Variants in RBKS observed in about 807,000 individuals in gnomAD.
RBKS encodes the protein ribokinase.
RBKS carries 33 observed loss-of-function variants against 33.9 expected under a neutral mutation model. The ratio of observed to expected loss-of-function variants is 0.97; its 90% CI spans 0.74 to 1.30. RBKS has a LOEUF of 1.30. Among genes scored for constraint, RBKS ranks in the 50% most tolerant of loss-of-function variants. The pLI, the probability that RBKS is intolerant of heterozygous loss-of-function variation, is 0.00. For missense variants in RBKS, 361 were observed against 392.6 expected (o/e 0.92, Z 0.68); for synonymous variants, 125 against 143.0 (o/e 0.87, Z 0.90).
intron 7 of RBKS, among the ~76,000 whole-genome samples, chr2:27,783,915 AAAAAG>A (rs1677337318): frequency 6.7e-6 from 1 of 148,418 alleles, no homozygotes; most frequent in African/African-American, 2.5e-5. Context: ...TCAGAAAAAA[AAAAAG>A]AAAAAAAAAA....
intron 7 of RBKS, among the ~76,000 whole-genome samples, chr2:27,800,468 T>C (rs1331523374): frequency 2.0e-5 from 3 of 152,168 alleles, no homozygotes; most frequent in Non-Finnish European, 4.4e-5. Flanking sequence ...ACTTACCTCA[T>C]AGGGCCATTG....
At chr2:27,819,901 A>G (rs751857692) in intron 7 of RBKS, among the ~76,000 whole-genome samples, 15 of 152,248 alleles carry the variant, frequency 9.9e-5, no homozygotes, top group African/African-American at 3.6e-4. Flanking sequence ...GTCAAAGTAT[A>G]TAACAAACTA....
intron 7 of RBKS, among the ~76,000 whole-genome samples, chr2:27,783,272 G>A (rs754951994): frequency 2.0e-5 from 3 of 151,960 alleles, no homozygotes; most frequent in African/African-American, 4.8e-5. Flanking sequence ...GCAAAACCTC[G>A]CCTCTACAAA....
intron 2 of RBKS, among the ~76,000 whole-genome samples, chr2:27,853,149 C>T (rs575325736): frequency 6.6e-6 from 1 of 151,618 alleles, no homozygotes; most frequent in African/African-American, 2.4e-5. Flanking sequence ...TAAGACTGCT[C>T]GAGGACAGGA....
chr2:27,855,127 C>A (rs1417347178), intron 2 of RBKS, among the ~76,000 whole-genome samples: 1 of 145,218 alleles, frequency 6.9e-6, no homozygotes, highest in Non-Finnish European at 1.5e-5. Flanking sequence ...AAGCCAAGAA[C>A]CCTCCTTGGC....
At chr2:27,796,224 G>T (rs1346499661) in intron 7 of RBKS, among the ~76,000 whole-genome samples, 6 of 136,726 alleles carry the variant, frequency 4.4e-5, no homozygotes, top group African/African-American at 1.7e-4. Flanking sequence ...ACACTGGTAT[G>T]ATTTTTTTTT....
chr2:27,806,327 G>A (rs149233971), intron 7 of RBKS, among the ~76,000 whole-genome samples: 1,638 of 152,306 alleles, frequency 0.011, 26 homozygotes, highest in African/African-American at 0.038. Flanking sequence ...AGACAAAAAG[G>A]TATATCTGGC....
At chr2:27,807,537 C>T (rs1197379334) in intron 7 of RBKS, among the ~76,000 whole-genome samples, 7 of 152,098 alleles carry the variant, frequency 4.6e-5, no homozygotes, top group South Asian at 4.1e-4. Flanking sequence ...TTTGCCACCA[C>T]GCCTGGCTAT....
intron 5 of RBKS, among the ~76,000 whole-genome samples, 178 bp downstream of exon 5, chr2:27,842,889 T>C (rs945172517): frequency 1.3e-5 from 2 of 152,110 alleles, no homozygotes; most frequent in Admixed American, 6.6e-5. Context: ...TTTTTTTTTT[T>C]ACCCTGTTTG....
chr2:27,845,971 T>C (rs1043484733), intron 4 of RBKS, among the ~76,000 whole-genome samples: 1 of 152,194 alleles, frequency 6.6e-6, no homozygotes, highest in Non-Finnish European at 1.5e-5. Flanking sequence ...TTACCATTTT[T>C]TTTTTTTTGA....
chr2:27,785,729 T>G (rs1235953624), intron 7 of RBKS, among the ~76,000 whole-genome samples: 3 of 150,880 alleles, frequency 2.0e-5, no homozygotes, highest in African/African-American at 4.9e-5. Flanking sequence ...ACCACTGCAC[T>G]TCAGCCTGGG....
At chr2:27,838,468 A>C (rs1157282148) in intron 5 of RBKS, among the ~76,000 whole-genome samples, 1 of 152,214 alleles carries the variant, frequency 6.6e-6, no homozygotes, top group Non-Finnish European at 1.5e-5. Flanking sequence ...TTTACTGTAA[A>C]TACTGTATAA....
intron 3 of RBKS, among the ~76,000 whole-genome samples, chr2:27,847,493 T>C (rs1663643863): frequency 6.6e-6 from 1 of 152,220 alleles, no homozygotes; most frequent in South Asian, 2.1e-4. Flanking sequence ...TTGATTATTT[T>C]CATTCTCATA....
At chr2:27,840,268 C>T (rs1663455459) in intron 5 of RBKS, among the ~76,000 whole-genome samples, 1 of 150,746 alleles carries the variant, frequency 6.6e-6, no homozygotes, top group Admixed American at 6.6e-5. Flanking sequence ...GATCCACCCA[C>T]CTCGGCCTCC....
intron 5 of RBKS, among the ~76,000 whole-genome samples, chr2:27,840,694 T>C (rs1169168921): frequency 6.6e-6 from 1 of 152,138 alleles, no homozygotes; most frequent in Non-Finnish European, 1.5e-5. Context: ...TCATAAAGGC[T>C]CAGTTTGTTG....
chr2:27,883,943 T>TG (rs1410423297), intron 1 of RBKS, among the ~76,000 whole-genome samples: 1 of 152,194 alleles, frequency 6.6e-6, no homozygotes, highest in African/African-American at 2.4e-5. Flanking sequence ...GGAATACAGT[T>TG]GACACAACTA....
chr2:27,849,022 T>C (rs1482764739), intron 2 of RBKS, among the ~76,000 whole-genome samples: 1 of 151,978 alleles, frequency 6.6e-6, no homozygotes, highest in Non-Finnish European at 1.5e-5. Flanking sequence ...CTGCAGCCAC[T>C]GGGGCTCACC....
chr2:27,872,623 G>T (rs749825645), intron 1 of RBKS, among the ~76,000 whole-genome samples: 1 of 152,042 alleles, frequency 6.6e-6, no homozygotes. Flanking sequence ...GGTTAAACTC[G>T]GCAGGAAAAT....
Position 27,850,469 on chromosome 2 carries a change from C to T in RBKS, c.223-2372G>A, listed in dbSNP as rs184048892. On this transcript the variant is annotated intron_variant, in intron 2 of 7. Transcript: ENST00000302188. ...TTCACTACCCTAAAAATCCTCTATGCTTTGTATATTCATCCTTCTCTCCCC... is the reference window on the plus strand; with the variant it reads ...TTCACTACCCTAAAAATCCTCTATGTTTTGTATATTCATCCTTCTCTCCCC... Among the ~76,000 whole-genome samples, 515 of 152,316 alleles carry T rather than the reference C, an allele frequency of 3.4e-3. 1 individual carries two copies. The highest frequency in any genetic ancestry group is 4.4e-3 in the Non-Finnish European group (301 of 68,024).
Sources: gnomAD v4.1 joint callset for allele counts (sites outside exome capture counted in the v4.1 genomes callset) on GRCh38, gnomAD v4.1.1 for gene constraint, MANE v1.5 for transcripts, NCBI Gene and HGNC (gene_info 2026-07-23, HGNC 2026-07-21) for gene names.